The following FOXN3 variants were observed in gnomAD, a reference collection of about 807,000 sequenced individuals.
FOXN3 encodes forkhead box protein N3.
Under a neutral mutation model 38.4 loss-of-function variants are expected in FOXN3, and 7 were observed. The ratio of observed to expected loss-of-function variants is 0.18; its 90% CI spans 0.10 to 0.34. The LOEUF (loss-of-function observed/expected upper bound fraction) is 0.34. FOXN3 is among the 10% of genes least tolerant of loss of function. The pLI, the probability that FOXN3 is intolerant of heterozygous loss-of-function variation, is 1.00. For synonymous variants in FOXN3, 230 were observed against 242.2 expected (o/e 0.95, Z 0.47); for missense variants, 456 against 613.4 (o/e 0.74, Z 2.71).
At chr14:89,419,813 G>C (rs1181362702), upstream of FOXN3, 4 of 152,272 alleles carry the variant, frequency 2.6e-5, no homozygotes, top group Non-Finnish European at 5.9e-5. Flanking sequence ...TTGGTTATTA[G>C]AGCAGCATGG....
intron 4 of FOXN3, among the ~76,000 whole-genome samples, chr14:89,269,917 A>G (rs1025070524): frequency 2.6e-5 from 4 of 152,036 alleles, no homozygotes; most frequent in African/African-American, 9.7e-5. Flanking sequence ...GTCTTCAGGG[A>G]GGTGGATTTG....
Position 89,412,353 on chromosome 14 carries a change from C to T in FOXN3, c.124G>A (p.Asp42Asn), listed in dbSNP as rs139494967. The T allele has an allele frequency of 1.9e-5, 31 of 1,614,148 alleles. No homozygotes were observed. In the East Asian group the frequency reaches 2.9e-4, roughly 15 times the overall value. ...SKALQEDDDLDFSLPDIRLEE... is the reference protein window; with the variant it reads ...SKALQEDDDLNFSLPDIRLEE... Reference sequence around the variant, plus strand: ...AATCGGATGTCAGGCAGAGAAAAGTCGAGGTCATCGTCTTCCTGAAGGGCC... The same window carrying T: ...AATCGGATGTCAGGCAGAGAAAAGTTGAGGTCATCGTCTTCCTGAAGGGCC... The change falls in exon 2 of 6, where the codon GAC (aspartate) becomes AAC (asparagine). Residue 42 changes from aspartate (D) to asparagine (N), a missense_variant. Physicochemically the swap from Asp to Asn is conservative, Grantham distance 23. Coordinates refer to ENST00000557258, the MANE Select transcript of FOXN3 (RefSeq NM_005197.4). The surrounding 1 kb of genome is among the most constrained non-coding windows in gnomAD (Gnocchi z 4.7).
chr14:89,277,623 G>T (rs775071984), intron 4 of FOXN3, among the ~76,000 whole-genome samples: 5 of 152,118 alleles, frequency 3.3e-5, no homozygotes, highest in Non-Finnish European at 1.5e-5. Context: ...GACGTCCAGG[G>T]AGGACCTCGA....
chr14:89,530,190 A>G (rs1596308781), intron 1 of FOXN3, among the ~76,000 whole-genome samples: 1 of 152,132 alleles, frequency 6.6e-6, no homozygotes, highest in African/African-American at 2.4e-5. Context: ...CGCCTGCCTC[A>G]GACTCCCAAA....
intron 1 of FOXN3, among the ~76,000 whole-genome samples, chr14:89,555,880 T>TGTGTGTGTGTGTGTGTGTGTGGGGGG (rs1183259048): frequency 1.0e-5 from 1 of 99,614 alleles, no homozygotes; most frequent in Non-Finnish European, 2.4e-5. Context: ...TGTGTGTATG[T>TGTGTGTGTGTGTGTGTGTGTGGGGGG]GGGGGTGTAT....
chr14:89,410,715 G>C (rs1891519777), intron 2 of FOXN3, among the ~76,000 whole-genome samples: 1 of 151,832 alleles, frequency 6.6e-6, no homozygotes, highest in Admixed American at 6.6e-5. Context: ...TCTACAAAAA[G>C]TATAAAAATT....
At chr14:89,372,090 A>AATTGATTATTTTGTCAATTATTTTGT (rs1288411177) in intron 2 of FOXN3, among the ~76,000 whole-genome samples, 1 of 152,154 alleles carries the variant, frequency 6.6e-6, no homozygotes, top group Non-Finnish European at 1.5e-5. Context: ...TGACAAAATA[A>AATTGATTATTTTGTCAATTATTTTGT]AAAACGGAAT....
intron 3 of FOXN3, chr14:89,290,212 C>T: frequency 3.6e-6 from 1 of 279,866 alleles, no homozygotes; most frequent in Non-Finnish European, 7.2e-6. Context: ...CACTGACCAA[C>T]TTGGATCCAT....
chr14:89,191,404 T>C (rs1235682033), intron 4 of FOXN3, among the ~76,000 whole-genome samples: 1 of 152,230 alleles, frequency 6.6e-6, no homozygotes, highest in African/African-American at 2.4e-5. Flanking sequence ...GCCTGTGCCC[T>C]GTCCAAATAA....
chr14:89,289,730 C>T (rs1886805080), intron 3 of FOXN3, among the ~76,000 whole-genome samples: 1 of 152,206 alleles, frequency 6.6e-6, no homozygotes, highest in East Asian at 1.9e-4. Context: ...CTCCTGCTGA[C>T]AGCATATCCA....
At chr14:89,496,659 C>T (rs1251727943) in intron 1 of FOXN3, among the ~76,000 whole-genome samples, 9 of 152,336 alleles carry the variant, frequency 5.9e-5, no homozygotes, top group South Asian at 4.1e-4. Flanking sequence ...GATGACATAA[C>T]ATTTACCATC....
chr14:89,263,707 T>C (rs1294228314), intron 4 of FOXN3: 1 of 152,240 alleles, frequency 6.6e-6, no homozygotes, highest in Non-Finnish European at 1.5e-5. Flanking sequence ...GAATAACGTA[T>C]GTCCAGCAAA....
At chr14:89,389,902 T>C (rs1014441291) in intron 2 of FOXN3, among the ~76,000 whole-genome samples, 5 of 152,016 alleles carry the variant, frequency 3.3e-5, no homozygotes, top group African/African-American at 1.2e-4. Context: ...AAATAAATCC[T>C]TGTTTTTCAC....
intron 2 of FOXN3, among the ~76,000 whole-genome samples, chr14:89,352,472 T>C (rs1465312976): frequency 2.0e-5 from 3 of 151,938 alleles, no homozygotes; most frequent in Non-Finnish European, 4.4e-5. Context: ...ACTACCAAAT[T>C]TGGAAAACAT....
intron 3 of FOXN3, among the ~76,000 whole-genome samples, chr14:89,319,420 C>T (rs1041830795): frequency 1.1e-4 from 17 of 152,258 alleles, no homozygotes; most frequent in Admixed American, 1.0e-3. Context: ...ACACATCCTG[C>T]CAGCACACAT....
intron 2 of FOXN3, among the ~76,000 whole-genome samples, chr14:89,399,530 A>G (rs543401915): frequency 1.3e-5 from 2 of 152,320 alleles, no homozygotes; most frequent in East Asian, 3.9e-4. Flanking sequence ...CTTTTACTTA[A>G]GCCAACTCGA....
chr14:89,490,201 G>C (rs550285264), intron 1 of FOXN3, among the ~76,000 whole-genome samples: 1 of 152,318 alleles, frequency 6.6e-6, no homozygotes. Flanking sequence ...GAATTCAGCA[G>C]CTGCCGTGTC....
intron 1 of FOXN3, among the ~76,000 whole-genome samples, chr14:89,606,896 A>G (rs938084025): frequency 2.0e-5 from 3 of 152,166 alleles, no homozygotes; most frequent in Non-Finnish European, 4.4e-5. Flanking sequence ...TGCCTCACAC[A>G]CTATACACAA....
At chr14:89,511,266 T>TC (rs1491487467) in intron 1 of FOXN3, among the ~76,000 whole-genome samples, 660 of 41,258 alleles carry the variant, frequency 0.016, 165 homozygotes, top group African/African-American at 0.037. Context: ...TTTCTTTCTT[T>TC]CTTTCTTTCT....
Sources: allele counts gnomAD v4.1 joint callset (sites outside exome capture counted in the v4.1 genomes callset), GRCh38; gene constraint gnomAD v4.1.1; non-coding constraint Gnocchi (gnomAD v3.1); transcripts MANE v1.5; gene names NCBI Gene and HGNC (gene_info 2026-07-23, HGNC 2026-07-21).